The following CALN1 variants were observed in gnomAD, a reference collection of about 807,000 sequenced individuals.
CALN1 encodes calneuron 1, also known as calcium-binding protein 8.
CALN1 carries 17 observed loss-of-function variants against 30.6 expected under a neutral mutation model. The ratio of observed to expected loss-of-function variants is 0.56; its 90% CI spans 0.38 to 0.83. The LOEUF is 0.83. CALN1 is among the 40% of genes least tolerant of loss of function. The pLI is 0.00. For synonymous variants in CALN1, 156 were observed against 131.4 expected, an observed-to-expected ratio of 1.19 and a Z score of -1.28; for missense variants, 291 against 354.9, an observed-to-expected ratio of 0.82 and a Z score of 1.45.
chr7:72,403,171 G>A, intron 2 of CALN1, 80 bp downstream of exon 2: 6 of 1,068,436 alleles, frequency 5.6e-6, no homozygotes, highest in Non-Finnish European at 6.7e-6. Context: ...CAGCGGCAAA[G>A]CCTCCTGGAC....
chr7:71,890,029 G>A (rs959352352), intron 5 of CALN1, among the ~76,000 whole-genome samples: 1 of 152,002 alleles, frequency 6.6e-6, no homozygotes, highest in Admixed American at 6.6e-5. Flanking sequence ...CACAACAGTG[G>A]CTGATTTTGA....
chr7:72,074,726 C>A (rs1196681188), intron 4 of CALN1, among the ~76,000 whole-genome samples: 1 of 152,114 alleles, frequency 6.6e-6, no homozygotes, highest in African/African-American at 2.4e-5. Context: ...ACCCCTTTTA[C>A]AGGAAACCTG....
At chr7:72,146,975 G>A (rs1786802586) in intron 3 of CALN1, among the ~76,000 whole-genome samples, 2 of 152,122 alleles carry the variant, frequency 1.3e-5, no homozygotes, top group Admixed American at 1.3e-4. Context: ...ATTGAAGATG[G>A]ATTAAAGACT....
chr7:72,402,241 TG>T (rs1806391793), intron 2 of CALN1, among the ~76,000 whole-genome samples: 1 of 152,232 alleles, frequency 6.6e-6, no homozygotes. Context: ...CAAGTTGTGT[TG>T]GAGAAGATTC....
At chr7:72,371,881 A>T (rs539482473) in intron 2 of CALN1, among the ~76,000 whole-genome samples, 2 of 152,314 alleles carry the variant, frequency 1.3e-5, no homozygotes, top group East Asian at 3.9e-4. Context: ...GCAGTGATAA[A>T]ATCAGGGCAG....
intron 4 of CALN1, among the ~76,000 whole-genome samples, chr7:72,073,540 C>T (rs1341439582): frequency 1.3e-5 from 2 of 152,194 alleles, no homozygotes; most frequent in African/African-American, 4.8e-5. Context: ...TGATTAAACA[C>T]CAGCCTGGAG....
intron 2 of CALN1, among the ~76,000 whole-genome samples, chr7:72,369,314 T>C (rs916484782): frequency 6.8e-6 from 1 of 146,658 alleles, no homozygotes. Flanking sequence ...TATTTATAAA[T>C]ATTTATAATA....
rs182317603 is a variant in CALN1 at position 72,332,562 on chromosome 7, G to A, written c.120-53752C>T. 3.2e-3 allele frequency among the ~76,000 whole-genome samples: 485 copies of A among 152,028 alleles called. 1 individual carries two copies. The highest frequency in any genetic ancestry group is 5.3e-3 in the Non-Finnish European group (358 of 67,974). On this transcript the variant is annotated intron_variant, in intron 2 of 6. Coordinates refer to ENST00000395275, the MANE Select transcript of CALN1 (RefSeq NM_031468.4). The stretch of plus-strand genomic sequence containing the variant: ...CTCCTACCTCAATAATAATAGAAAA[G>A]GTTGGTGATCATTTACTTCCATAGC...
intron 3 of CALN1, among the ~76,000 whole-genome samples, chr7:72,240,832 T>C (rs1373520422): frequency 1.3e-5 from 2 of 152,200 alleles, no homozygotes; most frequent in African/African-American, 4.8e-5. Context: ...AAGTGACCTA[T>C]ACAAATCAGA....
chr7:71,957,126 T>C (rs1333461578), intron 5 of CALN1, among the ~76,000 whole-genome samples: 6 of 152,094 alleles, frequency 3.9e-5, no homozygotes, highest in Non-Finnish European at 8.8e-5. Context: ...CTTGTTTCTA[T>C]CGCAGCCGAA....
At chr7:72,456,196 A>AG in the CALN1 span, among the ~76,000 whole-genome samples, 29 of 150,122 alleles carry the variant, frequency 1.9e-4, no homozygotes, top group East Asian at 3.9e-4. Context: ...AAAAAAAAAA[A>AG]AGAGAGAGAG....
At chr7:72,178,272 G>A (rs1220431694) in intron 3 of CALN1, among the ~76,000 whole-genome samples, 1 of 152,222 alleles carries the variant, frequency 6.6e-6, no homozygotes, top group Non-Finnish European at 1.5e-5. Flanking sequence ...ATTTCAGCTT[G>A]ACATTAAAGG....
At chr7:72,010,929 C>T (rs572049982) in intron 5 of CALN1, among the ~76,000 whole-genome samples, 6 of 151,560 alleles carry the variant, frequency 4.0e-5, no homozygotes, top group South Asian at 2.1e-4. Flanking sequence ...CTGAGGTGGG[C>T]GGATCATGGG....
intron 3 of CALN1, among the ~76,000 whole-genome samples, chr7:72,159,990 AG>A (rs1198671552): frequency 2.6e-5 from 4 of 152,166 alleles, no homozygotes; most frequent in African/African-American, 9.7e-5. Flanking sequence ...GACAACTTGG[AG>A]GTTCCCTTGC....
At position 71,787,920 on chromosome 7, in the gene CALN1, A is replaced by C; in HGVS notation, c.659-18T>G. On this transcript the variant is annotated intron_variant, in intron 6 of 6. Coordinates refer to ENST00000395275, the MANE Select transcript of CALN1 (RefSeq NM_031468.4). ...GGAATGCACTGGTGGTGGGAGAAGC[A>C]GGTGTGGGAAGAAGGAAGAGGGGTT... 1 of 1,613,842 alleles carries C rather than the reference A, an allele frequency of 6.2e-7. No homozygotes were observed. The highest frequency in any genetic ancestry group is 8.5e-7 in the Non-Finnish European group (1 of 1,179,894).
intron 1 of CALN1, among the ~76,000 whole-genome samples, chr7:72,444,317 G>C (rs1364514541): frequency 2.6e-5 from 4 of 152,086 alleles, no homozygotes; most frequent in Non-Finnish European, 4.4e-5. Context: ...CAGTGCAGGA[G>C]ACATTTTTTT....
At chr7:72,006,587 A>G (rs1799783785) in intron 5 of CALN1, among the ~76,000 whole-genome samples, 2 of 152,144 alleles carry the variant, frequency 1.3e-5, no homozygotes, top group Admixed American at 6.6e-5. Flanking sequence ...TTTTTTAAAG[A>G]AAAAGGATGA....
the CALN1 span, among the ~76,000 whole-genome samples, chr7:72,471,602 G>A: frequency 2.0e-5 from 3 of 152,212 alleles, no homozygotes; most frequent in East Asian, 1.9e-4. Flanking sequence ...GCAGGTCCAC[G>A]GGACTGGGCA....
At chr7:72,263,833 A>G (rs1039985696) in intron 3 of CALN1, among the ~76,000 whole-genome samples, 3 of 152,166 alleles carry the variant, frequency 2.0e-5, no homozygotes, top group Non-Finnish European at 4.4e-5. Context: ...GTTCCCAGGG[A>G]TAAGCATGAT....
Sources: gnomAD v4.1 joint callset for allele counts (sites outside exome capture counted in the v4.1 genomes callset) on GRCh38, gnomAD v4.1.1 for gene constraint, MANE v1.5 for transcripts, NCBI Gene and HGNC (gene_info 2026-07-23, HGNC 2026-07-21) for gene names.